XPC: variants seen among roughly 807,000 people sequenced by gnomAD.
XPC encodes the protein XPC complex subunit, DNA damage recognition and repair factor, also known as DNA repair protein complementing XP-C cells.
XPC carries 76 observed loss-of-function variants against 95.8 expected under a neutral mutation model. The ratio of observed to expected loss-of-function variants is 0.79; its 90% CI spans 0.66 to 0.96. XPC has a LOEUF of 0.96. Ranked by LOEUF, XPC falls within the 40% of genes least tolerant of loss-of-function variation. The pLI is 0.00. For missense variants in XPC, 1,146 were observed against 1,179.8 expected (o/e 0.97, Z 0.42); for synonymous variants, 442 against 442.1 (o/e 1.00, Z 0.00).
intron 11 of XPC, chr3:14,149,872 C>G (rs1695617462): frequency 6.6e-6 from 1 of 152,180 alleles, no homozygotes; most frequent in African/African-American, 2.4e-5. Flanking sequence ...AAATGATTTG[C>G]CTAAAGTCAC....
intron 11 of XPC, among the ~76,000 whole-genome samples, chr3:14,152,090 C>G (rs1363829550): frequency 1.3e-5 from 2 of 151,972 alleles, no homozygotes; most frequent in Non-Finnish European, 2.9e-5. Context: ...AGTCTGAGGC[C>G]TACTTTTTGG....
In XPC at chr3:14,145,884, T is replaced by A; in HGVS notation, c.*57A>T. On this transcript the variant is annotated 3_prime_UTR_variant, in exon 16 of 16. Transcript: ENST00000285021. Reference sequence around the variant, plus strand: ...GGGCTGGGCATGCCCAGGGCAGGTGTGGGGCCTGTAGTGGGGCAGCAGCAA... The same window carrying A: ...GGGCTGGGCATGCCCAGGGCAGGTGAGGGGCCTGTAGTGGGGCAGCAGCAA... The A allele has an allele frequency of 1.3e-6, 2 of 1,568,478 alleles. No homozygotes were observed. The highest frequency in any genetic ancestry group is 1.7e-6 in the Non-Finnish European group (2 of 1,151,162).
At chr3:14,167,307 C>T in intron 4 of XPC, 54 bp from the exon 5 acceptor site, 1 of 1,468,774 alleles carries the variant, frequency 6.8e-7, no homozygotes, top group Non-Finnish European at 9.3e-7. Context: ...AAACCAGACT[C>T]CACTCCCCCA....
At chr3:14,170,376 C>G (rs1293149188) in intron 3 of XPC, 62 bp downstream of exon 3, 1 of 1,503,632 alleles carries the variant, frequency 6.7e-7, no homozygotes, top group African/African-American at 1.4e-5. Flanking sequence ...TGACTCCAAA[C>G]AGAATCAAAC....
chr3:14,172,846 A>T, intron 2 of XPC, 21 bp downstream of exon 2: 1 of 1,602,236 alleles, frequency 6.2e-7, no homozygotes, highest in Non-Finnish European at 8.5e-7. Flanking sequence ...GACCCGAGAC[A>T]AAGCTTTGCA....
chr3:14,148,337 A>T (rs1695533631), intron 13 of XPC: 1 of 655,164 alleles, frequency 1.5e-6, no homozygotes, highest in Non-Finnish European at 2.5e-6. Context: ...ACCTGGGAAG[A>T]ACGTTTTAAT....
chr3:14,170,468 C>G lies in XPC; in HGVS notation c.382G>C (p.Glu128Gln). The part of the protein sequence containing the change: ...MNEDSNEEEE[E>Q]SENDWEEVEE... ...ACCTCTTCCCAATCATTTTCACTTT[C>G]TTCCTCTTCTTCATTGCTGTCTTCA... Residue 128 changes from glutamate (E) to glutamine (Q), a missense_variant, in exon 3 of 16, where the codon GAA (glutamate) becomes CAA (glutamine). By Grantham distance (29) the Glu-to-Gln change is conservative (BLOSUM62 2). Coordinates refer to ENST00000285021, the MANE Select transcript of XPC (RefSeq NM_004628.5). 1 of 1,613,872 alleles carries G rather than the reference C, an allele frequency of 6.2e-7. No individual in the cohort carries two copies.
Position 14,156,507 on chromosome 3 carries a change from A to G in XPC, c.1873-12T>C. On this transcript the variant is annotated splice_polypyrimidine_tract_variant and intron_variant, in intron 9 of 15. Transcript: ENST00000285021. ...TGTTTAGCCTGAAACTGCAAAGGCC[A>G]GACAGACAAGGTTGAGCATGTTATT... The G allele has an allele frequency of 6.2e-7, 1 of 1,613,858 alleles. No individual in the cohort carries two copies. Among genetic ancestry groups the G allele is most frequent in the South Asian group, 1.1e-5 (1 of 91,046 alleles).
intron 7 of XPC, chr3:14,164,598 C>CAA: frequency 2.0e-6 from 1 of 498,292 alleles, no homozygotes; most frequent in Non-Finnish European, 3.5e-6. Context: ...GCCCTCCACT[C>CAA]AGACTCTGAT....
rs937489913 is a variant in XPC at position 14,167,049 on chromosome 3, CAG to C, written c.621+118_621+119del. On this transcript the variant is annotated intron_variant, in intron 5 of 15. Transcript: ENST00000285021. The stretch of plus-strand genomic sequence containing the variant: ...CCTCCCAGATGAGGATGCAAAGGCT[CAG>C]AGAGAGTAAGAAACTTGCCATGGCC... The C allele has an allele frequency of 6.0e-6, 5 of 836,300 alleles. No individual in the cohort carries two copies. The Admixed American group carries it at 1.4e-4, about 23-fold the overall frequency. The allele number at this position is 836,300 out of a possible 1,614,324, so 51.8% of individuals were successfully genotyped here.
chr3:14,161,264 TG>T (rs1269304827), intron 7 of XPC, among the ~76,000 whole-genome samples: 1 of 152,154 alleles, frequency 6.6e-6, no homozygotes, highest in East Asian at 1.9e-4. Flanking sequence ...ATATTTAAAG[TG>T]GAATTTACCT....
At position 14,158,071 on chromosome 3, in the gene XPC, G is replaced by A. The variant is rs756484727; in HGVS notation, c.1812C>T (p.Ala604=). 232 of 1,613,442 alleles carry A rather than the reference G, an allele frequency of 1.4e-4. 1 individual carries two copies. Among genetic ancestry groups the A allele is most frequent in the East Asian group, 6.9e-4 (31 of 44,874 alleles). ...RKCRVDAEWW[A]ETLRPYQSPF... is the part of the protein sequence containing the mutation. ...GGCTCTGGTATGGTCTCAAGGTCTC[G>A]GCCCACCACTCAGCATCAACCCGGC... The change falls in exon 9 of 16, where the codon GCC becomes GCT. Residue 604 remains alanine, a synonymous_variant. Transcript: ENST00000285021. The surrounding 1 kb of genome is among the most constrained non-coding windows in gnomAD (Gnocchi z 5.2).
intron 9 of XPC, 93 bp downstream of exon 9, chr3:14,157,918 A>T: frequency 6.8e-7 from 1 of 1,474,894 alleles, no homozygotes; most frequent in Non-Finnish European, 9.0e-7. Flanking sequence ...AAAAACACCC[A>T]ACATAGTGCT....
chr3:14,167,305 C>T (rs953379559), intron 4 of XPC, 52 bp from the exon 5 acceptor site: 1 of 1,481,046 alleles, frequency 6.8e-7, no homozygotes. Flanking sequence ...TGAAACCAGA[C>T]TCCACTCCCC....
intron 15 of XPC, 67 bp from the exon 16 acceptor site, chr3:14,146,226 G>C (rs1171271397): frequency 2.1e-5 from 31 of 1,447,064 alleles, no homozygotes; most frequent in Non-Finnish European, 2.5e-5. Context: ...GAAGCCCCAT[G>C]AAGAGGCAGC....
intron 14 of XPC, 156 bp from the exon 15 acceptor site, chr3:14,147,535 G>A (rs1284109804): frequency 4.1e-6 from 3 of 734,728 alleles, no homozygotes; most frequent in Non-Finnish European, 2.2e-6. Context: ...AAATTGATCT[G>A]ATTTACAAAG....
chr3:14,160,035 T>C, intron 7 of XPC: 1 of 520,692 alleles, frequency 1.9e-6, no homozygotes, highest in East Asian at 3.3e-5. Flanking sequence ...AACATGCTCA[T>C]CATATATTAA....
rs1696665642 is a variant in XPC at position 14,172,860 on chromosome 3, A to G, written c.299+7T>C. The G allele has an allele frequency of 1.2e-6, 2 of 1,611,634 alleles. No individual in the cohort carries two copies. The highest frequency in any genetic ancestry group is 4.5e-5 in the East Asian group (2 of 44,858). ...AGACCCGAGACAAAGCTTTGCAGAC[A>G]TCTCACCTGAGGTCATCCCCATCGC... On this transcript the variant is annotated splice_region_variant and intron_variant, in intron 2 of 15. Coordinates refer to ENST00000285021, the MANE Select transcript of XPC (RefSeq NM_004628.5).
intron 11 of XPC, 38 bp downstream of exon 11, chr3:14,152,297 G>A (rs1437165213): frequency 1.3e-6 from 2 of 1,587,366 alleles, no homozygotes; most frequent in Non-Finnish European, 1.7e-6. Context: ...ACAGGCCTGT[G>A]TCACCACTCC....
Sources: allele counts gnomAD v4.1 joint callset (sites outside exome capture counted in the v4.1 genomes callset), GRCh38; gene constraint gnomAD v4.1.1; non-coding constraint Gnocchi (gnomAD v3.1); transcripts MANE v1.5; gene names NCBI Gene and HGNC (gene_info 2026-07-23, HGNC 2026-07-21).